SNAPC3: variants seen among roughly 807,000 people sequenced by gnomAD.
SNAPC3 encodes the protein snRNA-activating protein complex subunit 3.
A neutral mutation model predicts 47.7 loss-of-function variants in SNAPC3; 56 were observed. The observed-to-expected ratio is 1.18, with a 90% CI of 0.95 to 1.47. SNAPC3 has a LOEUF of 1.47. Among genes scored for constraint, SNAPC3 ranks in the 40% most tolerant of loss-of-function variants. The pLI is 0.00. For synonymous variants in SNAPC3, 235 were observed against 189.9 expected (o/e 1.24, Z -1.95); for missense variants, 665 against 511.3 (o/e 1.30, Z -2.90).
Position 15,459,917 on chromosome 9 carries a change from G to A in SNAPC3, c.*51G>A. On this transcript the variant is annotated 3_prime_UTR_variant, in exon 9 of 9. Coordinates refer to ENST00000380821, the MANE Select transcript of SNAPC3 (RefSeq NM_001039697.2). The stretch of plus-strand genomic sequence containing the variant: ...CCCTCATGAAATAACTGTTCTCTTG[G>A]ATGGTTACCTTATTTCTAAGAAACG... The A allele has an allele frequency of 6.6e-7, 1 of 1,519,220 alleles. No individual in the cohort carries two copies. Among genetic ancestry groups the A allele is most frequent in the African/African-American group, 1.4e-5 (1 of 72,484 alleles). The allele number at this position is 1,519,220 out of a possible 1,614,324, so 94.1% of individuals were successfully genotyped here.
chr9:15,451,545 C>A (rs184091833), intron 6 of SNAPC3, 143 bp downstream of exon 6: 18 of 440,744 alleles, frequency 4.1e-5, no homozygotes, highest in African/African-American at 3.4e-4. Context: ...TTACATACAT[C>A]CAAAAAAAAT....
chr9:15,466,709 A>C (rs2035648886), downstream of SNAPC3: 2 of 1,497,340 alleles, frequency 1.3e-6, no homozygotes, highest in African/African-American at 2.8e-5. Context: ...AACCTGAATA[A>C]TAAAAAACAC....
At chr9:15,432,781 G>A (rs977265715) in intron 2 of SNAPC3, among the ~76,000 whole-genome samples, 5 of 152,158 alleles carry the variant, frequency 3.3e-5, no homozygotes, top group African/African-American at 7.2e-5. Flanking sequence ...GTAGAAGAAA[G>A]TAAAGACAGA....
At chr9:15,431,818 G>T (rs1024052395) in intron 2 of SNAPC3, 2 of 150,534 alleles carry the variant, frequency 1.3e-5, no homozygotes, top group Non-Finnish European at 3.0e-5. Flanking sequence ...TTGTATTACG[G>T]ATGTGTAATA....
intron 7 of SNAPC3, among the ~76,000 whole-genome samples, chr9:15,455,533 C>G (rs2034712949): frequency 6.6e-6 from 1 of 152,056 alleles, no homozygotes. Flanking sequence ...TGCCATTGCA[C>G]TCCATCCTGG....
chr9:15,447,096 A>G lies in SNAPC3; in HGVS notation c.584A>G (p.His195Arg), dbSNP rs779575812. ...NILYPVIFHK[H>R]KEHKPYQTML... Reference sequence around the variant, plus strand: ...ACTTATTTATTCTTTGACTTTTAGCACAAAGAACACAAACCATACCAAACA... The same window carrying G: ...ACTTATTTATTCTTTGACTTTTAGCGCAAAGAACACAAACCATACCAAACA... The change falls in exon 5 of 9, where the codon CAC becomes CGC. Residue 195 changes from histidine (H) to arginine (R), a missense_variant and splice_region_variant. Transcript: ENST00000380821. 6.2e-7 allele frequency: 1 copy of G among 1,613,502 alleles called. No homozygotes were observed. Among genetic ancestry groups the G allele is most frequent in the Non-Finnish European group, 8.5e-7 (1 of 1,179,550 alleles).
chr9:15,426,102 C>T (rs1316439881), intron 2 of SNAPC3, among the ~76,000 whole-genome samples: 1 of 152,182 alleles, frequency 6.6e-6, no homozygotes, highest in Admixed American at 6.5e-5. Context: ...GATCCACCCA[C>T]CTCGGCCTCC....
chr9:15,442,119 A>G (rs1384951599), intron 3 of SNAPC3, among the ~76,000 whole-genome samples: 1 of 127,228 alleles, frequency 7.9e-6, no homozygotes, highest in Non-Finnish European at 1.7e-5. Context: ...GCTGCCCCCC[A>G]CCTCCCTCCG....
chr9:15,441,448 G>A (rs1384916622), intron 3 of SNAPC3, among the ~76,000 whole-genome samples: 3 of 146,752 alleles, frequency 2.0e-5, no homozygotes, highest in Admixed American at 6.8e-5. Flanking sequence ...CGAGGAGGGG[G>A]ATTTGGCAGG....
chr9:15,432,442 A>AC (rs1315800929), intron 2 of SNAPC3, among the ~76,000 whole-genome samples: 1 of 152,194 alleles, frequency 6.6e-6, no homozygotes, highest in Non-Finnish European at 1.5e-5. Flanking sequence ...TAGGGCTCTT[A>AC]CAAGTGGTTG....
chr9:15,434,494 G>A (rs920195808), intron 3 of SNAPC3, among the ~76,000 whole-genome samples: 1 of 149,102 alleles, frequency 6.7e-6, no homozygotes, highest in Admixed American at 6.8e-5. Flanking sequence ...TGCAGTCTCC[G>A]CCTCCTGGGT....
downstream of SNAPC3, chr9:15,463,085 G>A (rs138794507): frequency 6.6e-6 from 1 of 152,046 alleles, no homozygotes; most frequent in African/African-American, 2.4e-5. Flanking sequence ...ATTATAAAGT[G>A]TATGGTTCTC....
At chr9:15,436,643 A>G (rs776553092) in intron 3 of SNAPC3, among the ~76,000 whole-genome samples, 1 of 152,100 alleles carries the variant, frequency 6.6e-6, no homozygotes, top group African/African-American at 2.4e-5. Flanking sequence ...GAAATTCCCT[A>G]TGAATTTTAG....
At chr9:15,463,582 C>G (rs561614376), downstream of SNAPC3, 1 of 151,776 alleles carries the variant, frequency 6.6e-6, no homozygotes, top group Non-Finnish European at 1.5e-5. Flanking sequence ...GAGTTTTGAC[C>G]ACACACACAA....
chr9:15,451,642 A>G (rs1311262895), intron 6 of SNAPC3, among the ~76,000 whole-genome samples: 8 of 152,168 alleles, frequency 5.3e-5, no homozygotes, highest in African/African-American at 9.7e-5. Flanking sequence ...ATAGCATGCT[A>G]TAATCTCGCC....
At chr9:15,433,182 A>G (rs1328707071) in intron 2 of SNAPC3, among the ~76,000 whole-genome samples, 5 of 152,156 alleles carry the variant, frequency 3.3e-5, no homozygotes, top group Admixed American at 6.5e-5. Context: ...CGTGAAAGAT[A>G]AGGAGAGACT....
chr9:15,463,008 A>G (rs2035332272), downstream of SNAPC3: 1 of 152,146 alleles, frequency 6.6e-6, no homozygotes, highest in South Asian at 2.1e-4. Context: ...TATGAGTAGG[A>G]ACACAGACAG....
chr9:15,463,432 A>G (rs1240228111), downstream of SNAPC3: 5 of 141,960 alleles, frequency 3.5e-5, no homozygotes, highest in South Asian at 2.2e-4. Flanking sequence ...ACATACGTAC[A>G]TACACACACA....
Position 15,442,274 on chromosome 9 carries a change from GGCGGC to G in SNAPC3, c.478-2327_478-2323del, listed in dbSNP as rs1335048435. Among the ~76,000 whole-genome samples the G allele has an allele frequency of 4.0e-5, 6 of 150,746 alleles. 1 individual carries two copies. The highest frequency in any genetic ancestry group is 8.9e-5 in the Non-Finnish European group (6 of 67,550). Reference sequence around the variant, plus strand: ...TGCCCCCAACCTCCCTCCTGGATGGGGCGGCTGGCCGGGCGGGGGCTGCCCCCCAC... The same window carrying G: ...TGCCCCCAACCTCCCTCCTGGATGGGTGGCCGGGCGGGGGCTGCCCCCCAC... On this transcript the variant is annotated intron_variant, in intron 3 of 8. Transcript: ENST00000380821.
Sources: gnomAD v4.1 joint callset for allele counts (sites outside exome capture counted in the v4.1 genomes callset) on GRCh38, gnomAD v4.1.1 for gene constraint, MANE v1.5 for transcripts, NCBI Gene and HGNC (gene_info 2026-07-23, HGNC 2026-07-21) for gene names.